KATNA1: variants seen among roughly 807,000 people sequenced by gnomAD.
KATNA1 encodes the protein katanin catalytic subunit A1, also known as katanin p60 ATPase-containing subunit A1.
In KATNA1, 42 loss-of-function variants were observed where a neutral mutation model predicts 62.6. The observed-to-expected ratio is 0.67, with a 90% CI of 0.52 to 0.87. The LOEUF is 0.87. KATNA1 is among the 40% of genes least tolerant of loss of function. KATNA1 has a pLI of 0.00. For synonymous variants in KATNA1, 186 were observed against 201.9 expected, an observed-to-expected ratio of 0.92 and a Z score of 0.67; for missense variants, 498 against 612.5, an observed-to-expected ratio of 0.81 and a Z score of 1.97.
chr6:149,636,703 C>T (rs970825097), intron 2 of KATNA1, among the ~76,000 whole-genome samples: 24 of 151,210 alleles, frequency 1.6e-4, no homozygotes, highest in African/African-American at 4.9e-4. Flanking sequence ...TGCAATGGTG[C>T]GATCTCGGCT....
intron 2 of KATNA1, 83 bp downstream of exon 2, chr6:149,638,303 C>A: frequency 7.9e-7 from 1 of 1,273,522 alleles, no homozygotes; most frequent in Non-Finnish European, 1.1e-6. Flanking sequence ...TAACATGTAA[C>A]TACATACAGC....
At chr6:149,631,093 G>A (rs1278470416) in intron 3 of KATNA1, among the ~76,000 whole-genome samples, 1 of 152,232 alleles carries the variant, frequency 6.6e-6, no homozygotes, top group Admixed American at 6.5e-5. Flanking sequence ...GTATAATGCA[G>A]TACCTGTATT....
intron 4 of KATNA1, among the ~76,000 whole-genome samples, chr6:149,609,498 G>C (rs1778864543): frequency 6.6e-6 from 1 of 151,876 alleles, no homozygotes; most frequent in Non-Finnish European, 1.5e-5. Flanking sequence ...GAACCAGCTT[G>C]GGCAATAAAA....
chr6:149,647,010 T>G (rs1315863858), intron 1 of KATNA1, among the ~76,000 whole-genome samples: 2 of 152,182 alleles, frequency 1.3e-5, no homozygotes, highest in Non-Finnish European at 2.9e-5. Context: ...CAAAATGAGG[T>G]GGAGAATCCC....
intron 2 of KATNA1, 84 bp downstream of exon 2, chr6:149,638,302 A>G (rs1780144264): frequency 1.6e-6 from 2 of 1,271,366 alleles, no homozygotes; most frequent in Non-Finnish European, 2.2e-6. Context: ...TTAACATGTA[A>G]CTACATACAG....
rs73781251 is a variant in KATNA1, at chr6:149,599,429, G to T, written c.889-1079C>A. On this transcript the variant is annotated intron_variant, in intron 7 of 10. Transcript: ENST00000367411. Reference sequence around the variant, plus strand: ...TTATGTAGAATGATCTGACTTCAAGGAAAGGCTATGTGTCCTGGGTTTAGC... The same window carrying T: ...TTATGTAGAATGATCTGACTTCAAGTAAAGGCTATGTGTCCTGGGTTTAGC... Among the ~76,000 whole-genome samples the T allele has an allele frequency of 3.6e-3, 544 of 152,254 alleles. 2 individuals are homozygous for T. Among genetic ancestry groups the T allele is most frequent in the African/African-American group, 0.012 (519 of 41,544 alleles).
intron 3 of KATNA1, among the ~76,000 whole-genome samples, chr6:149,624,647 T>C (rs760916048): frequency 6.6e-6 from 1 of 152,090 alleles, no homozygotes; most frequent in Non-Finnish European, 1.5e-5. Context: ...CCCAAAGAGC[T>C]GGGACTACAG....
chr6:149,603,345 T>C lies in KATNA1; in HGVS notation c.652A>G (p.Lys218Glu). The C allele has an allele frequency of 1.3e-6, 2 of 1,590,506 alleles. No homozygotes were observed. The highest frequency in any genetic ancestry group is 2.3e-5 in the East Asian group (1 of 44,424). ...WDDIADLVEA[K>E]KLLKEAVVLP... is the part of the protein sequence containing the mutation. Reference sequence around the variant, plus strand: ...ACTACGGCTTCCTTAAGCAACTTTTTAGCTTCTACTAAATCAGCGATATCA... The same window carrying C: ...ACTACGGCTTCCTTAAGCAACTTTTCAGCTTCTACTAAATCAGCGATATCA... Residue 218 changes from lysine to glutamate, a missense_variant, in exon 6 of 11, where the codon AAA (lysine) becomes GAA (glutamate). By Grantham distance (56) the Lys-to-Glu change is moderately conservative (BLOSUM62 1). Around this residue, in one of 3 missense-constraint regions of KATNA1, gnomAD observed 267 missense variants for 372.6 expected, o/e 0.72. Coordinates refer to ENST00000367411, the MANE Select transcript of KATNA1 (RefSeq NM_007044.4).
Position 149,618,252 on chromosome 6 carries a change from C to A in KATNA1, c.501+4851G>T, listed in dbSNP as rs184389332. Among the ~76,000 whole-genome samples the A allele has an allele frequency of 3.6e-3, 548 of 151,090 alleles. 3 individuals carry two copies. The highest frequency in any genetic ancestry group is 0.013 in the African/African-American group (521 of 41,252). On this transcript the variant is annotated intron_variant, in intron 4 of 10. Transcript: ENST00000367411. ...CAGCACTTTGGGAGGTTGAGACGGG[C>A]GGATCACCTGAGGTCAGGAGTTCAA...
At chr6:149,645,167 CCG>C (rs764740440) in intron 1 of KATNA1, among the ~76,000 whole-genome samples, 7 of 152,126 alleles carry the variant, frequency 4.6e-5, no homozygotes, top group Non-Finnish European at 1.0e-4. Context: ...AAAAAGCTGG[CCG>C]CGCGCAGTGG....
intron 3 of KATNA1, among the ~76,000 whole-genome samples, chr6:149,626,841 T>A (rs1027366873): frequency 6.0e-5 from 9 of 150,800 alleles, no homozygotes; most frequent in Non-Finnish European, 8.8e-5. Flanking sequence ...AAAATTAGCC[T>A]GGCCTGGTGG....
intron 9 of KATNA1, 45 bp from the exon 10 acceptor site, chr6:149,597,234 CAT>C: frequency 6.3e-7 from 1 of 1,592,574 alleles, no homozygotes; most frequent in South Asian, 1.1e-5. Flanking sequence ...GCAGCATAAA[CAT>C]AGTATACTAT....
At chr6:149,609,971 T>G (rs1346026052) in intron 4 of KATNA1, among the ~76,000 whole-genome samples, 2 of 144,662 alleles carry the variant, frequency 1.4e-5, no homozygotes, top group Non-Finnish European at 3.0e-5. Flanking sequence ...TGGTAGCACA[T>G]GCCTGTAATC....
At chr6:149,629,773 C>T (rs184763923) in intron 3 of KATNA1, among the ~76,000 whole-genome samples, 1 of 151,992 alleles carries the variant, frequency 6.6e-6, no homozygotes, top group Admixed American at 6.6e-5. Flanking sequence ...AGGTTACATA[C>T]CAGTCAGAAC....
chr6:149,607,598 C>G (rs187644063), intron 4 of KATNA1, among the ~76,000 whole-genome samples: 100 of 151,952 alleles, frequency 6.6e-4, no homozygotes, highest in African/African-American at 2.4e-3. Context: ...GGCAACAGAA[C>G]AAGACTCCAT....
chr6:149,625,755 G>A (rs996346451), intron 3 of KATNA1, among the ~76,000 whole-genome samples: 11 of 151,970 alleles, frequency 7.2e-5, no homozygotes, highest in Non-Finnish European at 1.0e-4. Flanking sequence ...CCAACATGGC[G>A]AAACCCCGTC....
intron 4 of KATNA1, among the ~76,000 whole-genome samples, chr6:149,615,841 A>T (rs1049041842): frequency 7.9e-5 from 12 of 152,158 alleles, no homozygotes; most frequent in Non-Finnish European, 1.6e-4. Flanking sequence ...AAAAACATGA[A>T]CCAATTATAT....
intron 7 of KATNA1, among the ~76,000 whole-genome samples, chr6:149,600,609 G>C (rs1390164793): frequency 6.6e-6 from 1 of 151,904 alleles, no homozygotes; most frequent in Non-Finnish European, 1.5e-5. Flanking sequence ...CTCCAGCCTA[G>C]GTGACAGAAT....
rs767744945 is a variant in KATNA1, at chr6:149,601,715, G to A, written c.767C>T (p.Thr256Met). Residue 256 changes from threonine (T) to methionine (M), a missense_variant, in exon 7 of 11, where the codon ACG becomes ATG. Physicochemically the swap from Thr to Met is moderately conservative, Grantham distance 81. Coordinates refer to ENST00000367411, the MANE Select transcript of KATNA1 (RefSeq NM_007044.4). Reference sequence around the variant, plus strand: ...TGTAGCTACTGCTTTAGCAAGGAGCGTCTTCCCCGTGCCAGGTGGGCCGAC... The same window carrying A: ...TGTAGCTACTGCTTTAGCAAGGAGCATCTTCCCCGTGCCAGGTGGGCCGAC... The part of the protein sequence containing the change: ...LMVGPPGTGK[T>M]LLAKAVATEC... 1.9e-6 allele frequency: 3 copies of A among 1,610,124 alleles called. No homozygotes were observed. Among genetic ancestry groups the A allele is most frequent in the Non-Finnish European group, 2.5e-6 (3 of 1,178,742 alleles).
Sources: gnomAD v4.1 joint callset for allele counts (sites outside exome capture counted in the v4.1 genomes callset) on GRCh38, gnomAD v4.1.1 for gene constraint, gnomAD v4.1.1 regional missense constraint, MANE v1.5 for transcripts, NCBI Gene and HGNC (gene_info 2026-07-23, HGNC 2026-07-21) for gene names.